OPHN1: variants seen among roughly 807,000 people sequenced by gnomAD.
OPHN1 encodes oligophrenin 1, also known as oligophrenin-1.
OPHN1 carries 11 observed loss-of-function variants against 60.7 expected under a neutral mutation model. The observed-to-expected ratio is 0.18, with a 90% CI of 0.11 to 0.30. The LOEUF is 0.30. OPHN1 is among the 10% of genes least tolerant of loss of function. The pLI, the probability that OPHN1 is intolerant of heterozygous loss-of-function variation, is 1.00. For synonymous variants in OPHN1, 226 were observed against 222.6 expected (o/e 1.02, Z -0.14); for missense variants, 449 against 611.0 (o/e 0.73, Z 2.80).
chrX:68,269,631 A>C (rs1209552579), intron 5 of OPHN1, among the ~76,000 whole-genome samples: 2 of 111,995 alleles, frequency 1.8e-5, no homozygotes, highest in African/African-American at 6.5e-5. Flanking sequence ...AAACCATAAA[A>C]ACCCTAGAAG....
chrX:68,332,303 G>T (rs1308340139), intron 2 of OPHN1, among the ~76,000 whole-genome samples: 1 of 111,141 alleles, frequency 9.0e-6, no homozygotes, highest in Non-Finnish European at 1.9e-5. Context: ...TAGCAGCTGG[G>T]GTTAGAGACA....
At chrX:68,363,373 G>A (rs1569292476) in intron 2 of OPHN1, among the ~76,000 whole-genome samples, 1 of 111,267 alleles carries the variant, frequency 9.0e-6, no homozygotes, top group Non-Finnish European at 1.9e-5. Context: ...GCAATGGCAC[G>A]ATCTCAGCTC....
chrX:68,424,733 A>T, intron 2 of OPHN1, among the ~76,000 whole-genome samples: 1 of 111,773 alleles, frequency 8.9e-6, no homozygotes, highest in Non-Finnish European at 1.9e-5. Context: ...TCCCTACCCC[A>T]GCCTGGCACC....
chrX:68,384,457 C>T (rs1196547609), intron 2 of OPHN1, among the ~76,000 whole-genome samples: 1 of 112,201 alleles, frequency 8.9e-6, no homozygotes, highest in Non-Finnish European at 1.9e-5. Flanking sequence ...CCGTGGCTCA[C>T]GCCTGTAATC....
chrX:68,278,453 T>C (rs2078002624), intron 4 of OPHN1, among the ~76,000 whole-genome samples: 1 of 112,543 alleles, frequency 8.9e-6, no homozygotes, highest in Non-Finnish European at 1.9e-5. Flanking sequence ...CATCCTAAAC[T>C]CATTAGTGAG....
At chrX:68,169,788 G>C (rs929579217) in intron 15 of OPHN1, among the ~76,000 whole-genome samples, 1 of 101,174 alleles carries the variant, frequency 9.9e-6, no homozygotes, top group Non-Finnish European at 2.0e-5. Flanking sequence ...ATTCAAGATG[G>C]ATTAAAGACT....
At chrX:68,397,047 A>C (rs1170375256) in intron 2 of OPHN1, among the ~76,000 whole-genome samples, 1 of 111,100 alleles carries the variant, frequency 9.0e-6, no homozygotes, top group Non-Finnish European at 1.9e-5. Context: ...TCCTGATTGC[A>C]AGCTGCTCTT....
chrX:68,404,263 G>A (rs998119094), intron 2 of OPHN1, among the ~76,000 whole-genome samples: 3 of 108,579 alleles, frequency 2.8e-5, no homozygotes, highest in Non-Finnish European at 3.8e-5. Context: ...AGGTTCAAGC[G>A]ATTCTCCTGC....
intron 15 of OPHN1, among the ~76,000 whole-genome samples, chrX:68,181,045 G>A (rs1363434881): frequency 9.0e-6 from 1 of 111,006 alleles, no homozygotes; most frequent in Non-Finnish European, 1.9e-5. Flanking sequence ...AACAATGAAA[G>A]ACCTGCCACA....
At chrX:68,368,665 A>G (rs941944610) in intron 2 of OPHN1, among the ~76,000 whole-genome samples, 14 of 111,985 alleles carry the variant, frequency 1.3e-4, no homozygotes, top group Non-Finnish European at 9.4e-5. Context: ...TTATAAGTGC[A>G]ATGCAAGTCT....
chrX:68,359,855 C>CAAAAAAAA (rs1186524030), intron 2 of OPHN1, among the ~76,000 whole-genome samples: 2 of 19,225 alleles, frequency 1.0e-4, no homozygotes, highest in African/African-American at 2.6e-4. Flanking sequence ...GACTCCGTCT[C>CAAAAAAAA]AAAAAAAAAA....
At chrX:68,233,099 T>G (rs559045484) in intron 6 of OPHN1, among the ~76,000 whole-genome samples, 1 of 111,150 alleles carries the variant, frequency 9.0e-6, no homozygotes, top group South Asian at 3.9e-4. Flanking sequence ...CGGTTAATTT[T>G]GTATTTTTAG....
chrX:68,296,077 C>G (rs1327692093), intron 3 of OPHN1, among the ~76,000 whole-genome samples: 1 of 111,113 alleles, frequency 9.0e-6, no homozygotes, highest in Non-Finnish European at 1.9e-5. Flanking sequence ...AGTAGGGTCC[C>G]CAGTATTTTT....
chrX:68,380,829 T>C (rs1185893682), intron 2 of OPHN1, among the ~76,000 whole-genome samples: 1 of 111,827 alleles, frequency 8.9e-6, no homozygotes, highest in African/African-American at 3.2e-5. Flanking sequence ...TTACATTTGC[T>C]GAGTAGAGCT....
At chrX:68,217,653 C>A (rs1047365394) in intron 6 of OPHN1, among the ~76,000 whole-genome samples, 1 of 110,370 alleles carries the variant, frequency 9.1e-6, no homozygotes, top group Non-Finnish European at 1.9e-5. Context: ...TGGGAGGCAC[C>A]CCCCAGCAGG....
intron 2 of OPHN1, among the ~76,000 whole-genome samples, chrX:68,355,625 T>C (rs893562095): frequency 4.4e-5 from 5 of 112,414 alleles, no homozygotes; most frequent in African/African-American, 1.3e-4. Flanking sequence ...TATCTCAGAG[T>C]AGTTGTTTAC....
chrX:68,408,447 A>G (rs1020417471), intron 2 of OPHN1, among the ~76,000 whole-genome samples: 2 of 112,016 alleles, frequency 1.8e-5, no homozygotes, highest in African/African-American at 6.5e-5. Context: ...TGAAGAGCCA[A>G]TAAAATCAGG....
chrX:68,208,337 G>A (rs986396426), intron 9 of OPHN1, among the ~76,000 whole-genome samples: 2 of 110,981 alleles, frequency 1.8e-5, no homozygotes, highest in Admixed American at 9.7e-5. Flanking sequence ...GTGATCTGCC[G>A]TCTCAGCCTC....
chrX:68,300,542 T>C (rs1380297041), intron 2 of OPHN1, among the ~76,000 whole-genome samples: 1 of 112,449 alleles, frequency 8.9e-6, no homozygotes, highest in Non-Finnish European at 1.9e-5. Flanking sequence ...AATAACATTT[T>C]CCACTACAAA....
Sources: gnomAD v4.1 joint callset for allele counts (sites outside exome capture counted in the v4.1 genomes callset) on GRCh38, gnomAD v4.1.1 for gene constraint, MANE v1.5 for transcripts, NCBI Gene and HGNC (gene_info 2026-07-23, HGNC 2026-07-21) for gene names.